MED12L: variants seen among roughly 807,000 people sequenced by gnomAD.
The protein encoded by MED12L is mediator complex subunit 12L, also known as mediator of RNA polymerase II transcription subunit 12-like protein.
A neutral mutation model predicts 281.3 loss-of-function variants in MED12L; 60 were observed. The ratio of observed to expected loss-of-function variants is 0.21; its 90% CI spans 0.17 to 0.26. MED12L has a LOEUF of 0.26. Among genes scored for constraint, MED12L ranks in the 10% least tolerant of loss-of-function variants. MED12L has a pLI of 1.00. For missense variants in MED12L, 2,146 were observed against 2,680.9 expected, an observed-to-expected ratio of 0.80 and a Z score of 4.41; for synonymous variants, 974 against 987.2, an observed-to-expected ratio of 0.99 and a Z score of 0.25.
intron 2 of MED12L, among the ~76,000 whole-genome samples, chr3:151,095,613 C>T (rs1010783809): frequency 5.3e-5 from 8 of 152,216 alleles, no homozygotes; most frequent in Non-Finnish European, 1.0e-4. Flanking sequence ...TCAGTCTAAG[C>T]TGGTTAACAT....
At chr3:151,111,465 T>C (rs1470091971) in intron 2 of MED12L, among the ~76,000 whole-genome samples, 1 of 152,194 alleles carries the variant, frequency 6.6e-6, no homozygotes, top group Non-Finnish European at 1.5e-5. Flanking sequence ...CAGAGCTTGC[T>C]TAGAGTCCCT....
At chr3:151,418,159 TTC>T (rs1317264229) in intron 43 of MED12L, among the ~76,000 whole-genome samples, 1 of 152,234 alleles carries the variant, frequency 6.6e-6, no homozygotes, top group Non-Finnish European at 1.5e-5. Flanking sequence ...TGCTTTATTA[TTC>T]TCTCTTTCAC....
At chr3:151,132,657 G>A (rs1200853487) in intron 5 of MED12L, among the ~76,000 whole-genome samples, 1 of 152,108 alleles carries the variant, frequency 6.6e-6, no homozygotes, top group African/African-American at 2.4e-5. Context: ...ATTTACCTGT[G>A]TAAATATACA....
At chr3:151,219,462 G>T (rs1476809223) in intron 16 of MED12L, 3 of 152,220 alleles carry the variant, frequency 2.0e-5, no homozygotes, top group East Asian at 3.9e-4. Context: ...GTGAAGAAAA[G>T]AATTTTTTCT....
intron 2 of MED12L, among the ~76,000 whole-genome samples, chr3:151,108,769 C>T (rs960396635): frequency 6.6e-6 from 1 of 152,108 alleles, no homozygotes; most frequent in African/African-American, 2.4e-5. Flanking sequence ...TAGAGGGTGA[C>T]GCTCAGGAGG....
intron 14 of MED12L, 30 bp from the exon 15 acceptor site, chr3:151,192,520 A>G (rs1294148876): frequency 1.5e-5 from 21 of 1,444,524 alleles, no homozygotes; most frequent in Non-Finnish European, 1.7e-5. Context: ...AAAACTTACA[A>G]TGTTACTTTC....
intron 16 of MED12L, among the ~76,000 whole-genome samples, chr3:151,211,662 T>C (rs1347069807): frequency 6.6e-6 from 1 of 152,234 alleles, no homozygotes; most frequent in African/African-American, 2.4e-5. Flanking sequence ...TTGTTTCTTT[T>C]TTTGACATAG....
chr3:151,425,721 A>C (rs1412380072), intron 43 of MED12L: 1 of 456,700 alleles, frequency 2.2e-6, no homozygotes, highest in East Asian at 6.9e-5. Flanking sequence ...TCTGCCTCTG[A>C]GAAGTAAAAA....
At chr3:151,246,246 T>G (rs1202550438) in intron 16 of MED12L, among the ~76,000 whole-genome samples, 2 of 152,216 alleles carry the variant, frequency 1.3e-5, no homozygotes, top group Non-Finnish European at 2.9e-5. Flanking sequence ...CCAATGCCTT[T>G]CTTCACAGAA....
intron 16 of MED12L, among the ~76,000 whole-genome samples, chr3:151,240,923 T>C (rs1016801763): frequency 6.6e-6 from 1 of 152,210 alleles, no homozygotes; most frequent in African/African-American, 2.4e-5. Flanking sequence ...CTTGCCTGAA[T>C]CACTGAACCT....
intron 16 of MED12L, among the ~76,000 whole-genome samples, chr3:151,204,220 G>A (rs1363259514): frequency 6.6e-6 from 1 of 152,030 alleles, no homozygotes; most frequent in African/African-American, 2.4e-5. Context: ...ATAATACTTG[G>A]TCAGTTTTCT....
chr3:151,170,865 G>A (rs1259433246), intron 11 of MED12L, among the ~76,000 whole-genome samples: 1 of 152,108 alleles, frequency 6.6e-6, no homozygotes, highest in Non-Finnish European at 1.5e-5. Context: ...TGGAGGTGGT[G>A]GGGGTTGAGG....
At chr3:151,181,976 A>G (rs1722752912) in intron 11 of MED12L, among the ~76,000 whole-genome samples, 1 of 152,192 alleles carries the variant, frequency 6.6e-6, no homozygotes, top group Non-Finnish European at 1.5e-5. Context: ...ACTCAGTGGA[A>G]TAAAGACATG....
At chr3:151,300,932 A>C (rs1250549444) in intron 16 of MED12L, among the ~76,000 whole-genome samples, 1 of 152,164 alleles carries the variant, frequency 6.6e-6, no homozygotes, top group Non-Finnish European at 1.5e-5. Context: ...TATCACATGT[A>C]GCTAAGGTAC....
intron 16 of MED12L, among the ~76,000 whole-genome samples, chr3:151,200,190 A>G (rs896135449): frequency 3.3e-5 from 5 of 152,140 alleles, no homozygotes; most frequent in African/African-American, 9.7e-5. Context: ...ATCACCACTG[A>G]TAATGACAAT....
At chr3:151,382,592 C>T in intron 32 of MED12L, 64 bp from the exon 33 acceptor site, 1 of 1,174,708 alleles carries the variant, frequency 8.5e-7, no homozygotes, top group Non-Finnish European at 1.2e-6. Flanking sequence ...CAGTATAAAG[C>T]TCAATTTATC....
chr3:151,344,354 A>G (rs1752273394), intron 16 of MED12L, among the ~76,000 whole-genome samples: 1 of 152,022 alleles, frequency 6.6e-6, no homozygotes, highest in Non-Finnish European at 1.5e-5. Flanking sequence ...TTCCTCATCC[A>G]TGTGCACACC....
intron 16 of MED12L, among the ~76,000 whole-genome samples, chr3:151,221,432 G>A (rs575779762): frequency 6.6e-6 from 1 of 152,300 alleles, no homozygotes; most frequent in Admixed American, 6.5e-5. Flanking sequence ...GGTCTTTACT[G>A]CAAGCCCATC....
At chr3:151,264,345 A>G (rs903356510) in intron 16 of MED12L, among the ~76,000 whole-genome samples, 2 of 152,258 alleles carry the variant, frequency 1.3e-5, no homozygotes, top group African/African-American at 4.8e-5. Flanking sequence ...TGGACATGCC[A>G]TCTTTTAAAT....
Sources: allele counts gnomAD v4.1 joint callset (sites outside exome capture counted in the v4.1 genomes callset), GRCh38; gene constraint gnomAD v4.1.1; transcripts MANE v1.5; gene names NCBI Gene and HGNC (gene_info 2026-07-23, HGNC 2026-07-21).